The following HMGA2 variants were observed in gnomAD, a reference collection of about 807,000 sequenced individuals.
The protein encoded by HMGA2 is high mobility group protein HMGI-C.
Under a neutral mutation model 19.1 loss-of-function variants are expected in HMGA2, and 8 were observed. The observed-to-expected ratio is 0.42, with a 90% confidence interval of 0.25 to 0.76. The LOEUF is 0.76. Ranked by LOEUF, HMGA2 falls within the 30% of genes least tolerant of loss-of-function variation. The pLI, the probability that HMGA2 is intolerant of heterozygous loss-of-function variation, is 0.28. For missense variants in HMGA2, 109 were observed against 136.3 expected, an observed-to-expected ratio of 0.80 and a Z score of 1.00; for synonymous variants, 60 against 48.8, an observed-to-expected ratio of 1.23 and a Z score of -0.96.
intron 2 of HMGA2, among the ~76,000 whole-genome samples, chr12:65,829,970 G>A (rs1025724961): frequency 6.6e-6 from 1 of 151,878 alleles, no homozygotes; most frequent in Non-Finnish European, 1.5e-5. Context: ...TCATGTGTAT[G>A]CATACATTAT....
chr12:65,902,228 C>T (rs574725969), intron 3 of HMGA2, among the ~76,000 whole-genome samples: 3 of 151,860 alleles, frequency 2.0e-5, no homozygotes, highest in Admixed American at 1.3e-4. Context: ...AGAGAACTGA[C>T]GTGAATTTGT....
At chr12:65,911,379 G>C (rs1874838084) in intron 3 of HMGA2, among the ~76,000 whole-genome samples, 1 of 152,162 alleles carries the variant, frequency 6.6e-6, no homozygotes, top group South Asian at 2.1e-4. Flanking sequence ...GCTGGTTGTT[G>C]AGAGGATCAG....
chr12:65,855,905 C>T (rs1871718566), intron 3 of HMGA2: 1 of 148,836 alleles, frequency 6.7e-6, no homozygotes, highest in Non-Finnish European at 1.5e-5. Flanking sequence ...TTTTTTTGGA[C>T]TAATGCTTTT....
intron 3 of HMGA2, among the ~76,000 whole-genome samples, chr12:65,910,925 C>T (rs932485185): frequency 2.0e-5 from 3 of 152,160 alleles, no homozygotes; most frequent in Non-Finnish European, 4.4e-5. Context: ...AATTAGTAGT[C>T]ACTGAATGCC....
rs541637769 is a variant in HMGA2, at chr12:65,896,741, AG to A, written c.250-54640del. The stretch of plus-strand genomic sequence containing the variant: ...TACAGTAGCTTCACAGCCTGCGGGG[AG>A]GTCTGTGTTTTCTTAATTGATTAAA... On this transcript the variant is annotated intron_variant, in intron 3 of 4. Coordinates refer to ENST00000403681, the MANE Select transcript of HMGA2 (RefSeq NM_003483.6). Among the ~76,000 whole-genome samples the A allele has an allele frequency of 2.3e-3, 348 of 152,230 alleles. 2 individuals are homozygous for A. Among genetic ancestry groups the A allele is most frequent in the African/African-American group, 8.0e-3 (333 of 41,544 alleles).
At chr12:65,952,438 T>C (rs762774611) in intron 4 of HMGA2, 195 of 1,533,968 alleles carry the variant, frequency 1.3e-4, no homozygotes, top group Non-Finnish European at 1.6e-4. Flanking sequence ...TAGAAGAGAA[T>C]TGAAACTTCC....
At chr12:65,901,262 A>C (rs1874361031) in intron 3 of HMGA2, among the ~76,000 whole-genome samples, 1 of 152,242 alleles carries the variant, frequency 6.6e-6, no homozygotes. Context: ...TTTACATTAT[A>C]AATAGCATAA....
chr12:65,963,571 A>G lies in HMGA2; in HGVS notation c.*279A>G. On this transcript the variant is annotated 3_prime_UTR_variant, in exon 5 of 5. Coordinates refer to ENST00000403681, the MANE Select transcript of HMGA2 (RefSeq NM_003483.6). ...CAGCTTAACAATGCAACTTTTAATT[A>G]CTGTTTTCTTTTTTCTTAACCTACT... is the stretch of plus-strand genomic sequence containing the variant. 1 of 473,568 alleles carries G rather than the reference A, an allele frequency of 2.1e-6. No individual in the cohort carries two copies. Among genetic ancestry groups the G allele is most frequent in the Non-Finnish European group, 3.8e-6 (1 of 266,162 alleles). The allele number at this position is 473,568 out of a possible 1,614,324, so 29.3% of individuals were successfully genotyped here.
chr12:65,825,280 C>A lies in HMGA2; in HGVS notation c.10C>A (p.Arg4Ser). 2.0e-6 allele frequency: 3 copies of A among 1,530,350 alleles called. No individual in the cohort carries two copies. The highest frequency in any genetic ancestry group is 2.6e-6 in the Non-Finnish European group (3 of 1,143,096). The allele number at this position is 1,530,350 out of a possible 1,614,324, so 94.8% of individuals were successfully genotyped here. A position where few individuals can be genotyped will look rare whatever the true frequency, so the allele number is the denominator to read the frequency against. MSA[R>S]GEGAGQPSTS... is the part of the protein sequence containing the mutation. ...GGCGGCGGGAGGCAGGATGAGCGCA[C>A]GCGGTGAGGGCGCGGGGCAGCCGTC... The change falls in exon 1 of 5, where the codon CGC (arginine) becomes AGC (serine). Residue 4 changes from arginine to serine, a missense_variant. Arg to Ser is a moderately radical substitution (Grantham distance 110, BLOSUM62 -1). Transcript: ENST00000403681. This position sits in a 1 kb window ranked among gnomAD's most constrained non-coding sequence, Gnocchi z 4.4.
chr12:65,834,087 T>C (rs555257782), intron 2 of HMGA2, among the ~76,000 whole-genome samples: 2 of 152,320 alleles, frequency 1.3e-5, no homozygotes, highest in South Asian at 4.1e-4. Context: ...ATATCTGATA[T>C]TCAACTCTGG....
intron 3 of HMGA2, among the ~76,000 whole-genome samples, chr12:65,894,971 T>C (rs769729744): frequency 3.3e-5 from 5 of 152,184 alleles, no homozygotes; most frequent in Non-Finnish European, 7.4e-5. Context: ...AATAGCACCC[T>C]AATACAGCTT....
At chr12:65,921,416 T>C (rs191422974) in intron 3 of HMGA2, among the ~76,000 whole-genome samples, 2 of 152,244 alleles carry the variant, frequency 1.3e-5, no homozygotes, top group African/African-American at 4.8e-5. Flanking sequence ...GCCTGGCTAA[T>C]TTTTTTATTT....
At chr12:65,937,055 C>T (rs962378001) in intron 3 of HMGA2, among the ~76,000 whole-genome samples, 2 of 152,214 alleles carry the variant, frequency 1.3e-5, no homozygotes, top group African/African-American at 4.8e-5. Context: ...TCCAAAGTAA[C>T]TTCCATATCC....
At chr12:65,914,685 T>G (rs1282824054) in intron 3 of HMGA2, 1 of 289,702 alleles carries the variant, frequency 3.5e-6, no homozygotes, top group Non-Finnish European at 6.7e-6. Flanking sequence ...TTATTGTTGT[T>G]GTTTTTGAGA....
intron 2 of HMGA2, chr12:65,829,013 G>A (rs369215237): frequency 6.6e-6 from 1 of 152,118 alleles, no homozygotes; most frequent in Non-Finnish European, 1.5e-5. Context: ...TAGTAATTGA[G>A]AACAAAGTTT....
chr12:65,827,474 A>G lies in HMGA2; in HGVS notation c.112-527A>G, dbSNP rs375591636. 6.6e-4 allele frequency among the ~76,000 whole-genome samples: 100 copies of G among 152,346 alleles called. No homozygotes were observed. In the Middle Eastern group the frequency reaches 0.034, roughly 52 times the overall value. On this transcript the variant is annotated intron_variant, in intron 1 of 4. Transcript: ENST00000403681. ...ACTGAAGAACTTGAATAATTGCTCC[A>G]GTATTTCACTCAAAATGTGTCAGTT...
chr12:65,838,027 T>A (rs573233916), intron 2 of HMGA2, among the ~76,000 whole-genome samples: 14 of 152,188 alleles, frequency 9.2e-5, no homozygotes, highest in Non-Finnish European at 1.8e-4. Flanking sequence ...CATTTATACT[T>A]GCTTTTGACT....
chr12:65,878,288 G>A (rs752020924), intron 3 of HMGA2, among the ~76,000 whole-genome samples: 2 of 152,160 alleles, frequency 1.3e-5, no homozygotes, highest in African/African-American at 2.4e-5. Flanking sequence ...TGTAAACAAG[G>A]GATGCTTGAA....
chr12:65,963,372 T>C lies in HMGA2; in HGVS notation c.*80T>C. The C allele has an allele frequency of 1.2e-6, 1 of 808,856 alleles. No individual in the cohort carries two copies. Among genetic ancestry groups the C allele is most frequent in the Non-Finnish European group, 1.9e-6 (1 of 530,210 alleles). 50.1% of individuals were successfully genotyped at this position (808,856 alleles called of 1,614,324 possible). On this transcript the variant is annotated 3_prime_UTR_variant, in exon 5 of 5. Transcript: ENST00000403681. ...AAGACACTGCAGTGACCACTTATTCTGTATTGCCATGGTCTTTCCACTTTC... is the reference window on the plus strand; with the variant it reads ...AAGACACTGCAGTGACCACTTATTCCGTATTGCCATGGTCTTTCCACTTTC...
Sources: gnomAD v4.1 joint callset for allele counts (sites outside exome capture counted in the v4.1 genomes callset) on GRCh38, gnomAD v4.1.1 for gene constraint, Gnocchi (gnomAD v3.1) non-coding constraint, MANE v1.5 for transcripts, NCBI Gene and HGNC (gene_info 2026-07-23, HGNC 2026-07-21) for gene names.